Variants in NRXN3 observed in about 807,000 individuals in gnomAD.
NRXN3 encodes the protein neurexin 3.
A neutral mutation model predicts 137.6 loss-of-function variants in NRXN3; 32 were observed. The ratio of observed to expected loss-of-function variants is 0.23; its 90% CI spans 0.18 to 0.31. The LOEUF (loss-of-function observed/expected upper bound fraction) is 0.31. Ranked by LOEUF, NRXN3 falls within the 10% of genes least tolerant of loss-of-function variation. The pLI is 1.00. For synonymous variants in NRXN3, 798 were observed against 784.5 expected, an observed-to-expected ratio of 1.02 and a Z score of -0.29; for missense variants, 1,574 against 2,062.5, an observed-to-expected ratio of 0.76 and a Z score of 4.59.
At chr14:79,032,034 A>G (rs1012080589) in intron 15 of NRXN3, among the ~76,000 whole-genome samples, 1 of 152,180 alleles carries the variant, frequency 6.6e-6, no homozygotes, top group Non-Finnish European at 1.5e-5. Context: ...ACAGAGGTGT[A>G]GGAACTAAAC....
intron 16 of NRXN3, among the ~76,000 whole-genome samples, chr14:79,560,191 C>T (rs532682918): frequency 6.6e-6 from 1 of 152,178 alleles, no homozygotes; most frequent in African/African-American, 2.4e-5. Context: ...AATGCCTTTT[C>T]ATGTGAAAAT....
intron 10 of NRXN3, among the ~76,000 whole-genome samples, chr14:78,841,812 A>T (rs1391811204): frequency 1.3e-5 from 2 of 152,108 alleles, no homozygotes; most frequent in African/African-American, 4.8e-5. Flanking sequence ...CCTCTCACCA[A>T]GATTTTAACG....
At chr14:78,772,339 A>G (rs1292012698) in intron 8 of NRXN3, among the ~76,000 whole-genome samples, 1 of 152,156 alleles carries the variant, frequency 6.6e-6, no homozygotes, top group Non-Finnish European at 1.5e-5. Flanking sequence ...ATATTGACGC[A>G]CCATTGACCA....
chr14:79,544,771 C>T (rs1408576611), intron 16 of NRXN3, among the ~76,000 whole-genome samples: 1 of 152,122 alleles, frequency 6.6e-6, no homozygotes, highest in African/African-American at 2.4e-5. Context: ...ACCAGCATCA[C>T]CTGGCAACTT....
At chr14:79,280,585 C>T in intron 15 of NRXN3, 1 of 1,537,914 alleles carries the variant, frequency 6.5e-7, no homozygotes, top group Non-Finnish European at 8.9e-7. Flanking sequence ...TAGCAATTCG[C>T]TAACCCACTA....
chr14:79,359,550 A>G (rs112086254), intron 15 of NRXN3, among the ~76,000 whole-genome samples: 1 of 147,988 alleles, frequency 6.8e-6, no homozygotes, highest in African/African-American at 2.5e-5. Context: ...TTATCAGAGC[A>G]AACATCCGTA....
chr14:78,371,202 C>A (rs958641099), intron 4 of NRXN3, among the ~76,000 whole-genome samples: 5 of 152,144 alleles, frequency 3.3e-5, no homozygotes, highest in Non-Finnish European at 7.3e-5. Flanking sequence ...CCCCTATAAA[C>A]CCCAGACCTC....
intron 4 of NRXN3, among the ~76,000 whole-genome samples, chr14:78,307,164 G>A (rs547140167): frequency 1.1e-3 from 173 of 151,262 alleles, no homozygotes; most frequent in African/African-American, 4.1e-3. Flanking sequence ...ACAGTGCAAA[G>A]TGTATAAAAT....
At chr14:78,445,790 G>T (rs1196703888) in intron 4 of NRXN3, among the ~76,000 whole-genome samples, 8 of 152,224 alleles carry the variant, frequency 5.3e-5, no homozygotes, top group Non-Finnish European at 5.9e-5. Flanking sequence ...TTTGTAGTTT[G>T]GTCTCTTCTC....
Position 78,709,984 on chromosome 14 carries a change from C to T in NRXN3, c.1660+329C>T, listed in dbSNP as rs887828240. The T allele has an allele frequency of 6.6e-5, 18 of 273,070 alleles. No individual in the cohort carries two copies. In the Middle Eastern group the frequency reaches 3.7e-3, roughly 56 times the overall value. 16.9% of individuals were successfully genotyped at this position (273,070 alleles called of 1,614,324 possible). A position where few individuals can be genotyped will look rare whatever the true frequency, so the allele number is the denominator to read the frequency against. ...CTGGTGTGATCCGCCCCCATTGCCC[C>T]ATTCTTTGCTTCTCTTTTTCCTCAT... On this transcript the variant is annotated intron_variant, in intron 7 of 20. Coordinates refer to ENST00000335750, the MANE Select transcript of NRXN3 (RefSeq NM_001330195.2).
intron 15 of NRXN3, among the ~76,000 whole-genome samples, chr14:79,303,918 T>C (rs2085574833): frequency 6.6e-6 from 1 of 152,042 alleles, no homozygotes; most frequent in African/African-American, 2.4e-5. Context: ...AGTAAGAGAA[T>C]AGTAATGGTG....
At chr14:79,348,312 CAG>C (rs1290104571) in intron 15 of NRXN3, among the ~76,000 whole-genome samples, 1 of 151,576 alleles carries the variant, frequency 6.6e-6, no homozygotes. Flanking sequence ...GAGTAGGTAA[CAG>C]AGAGCTGAAA....
intron 4 of NRXN3, among the ~76,000 whole-genome samples, chr14:78,380,307 C>CAAA (rs34099445): frequency 0.031 from 3,043 of 99,296 alleles, 134 homozygotes; most frequent in Middle Eastern, 0.054. Context: ...GACTCCGTCT[C>CAAA]AAAAAAAAAA....
intron 6 of NRXN3, among the ~76,000 whole-genome samples, chr14:78,706,549 C>T (rs1490495153): frequency 1.3e-5 from 2 of 152,248 alleles, no homozygotes; most frequent in East Asian, 3.9e-4. Flanking sequence ...CCTGCTCTGC[C>T]ACTTATCAGC....
chr14:79,622,805 C>A (rs538755024), intron 16 of NRXN3, among the ~76,000 whole-genome samples: 4 of 152,220 alleles, frequency 2.6e-5, no homozygotes, highest in African/African-American at 7.2e-5. Flanking sequence ...ACCGTGTTAG[C>A]CAGGATGGTC....
chr14:78,600,160 C>T (rs554520854), intron 4 of NRXN3, among the ~76,000 whole-genome samples: 19 of 152,200 alleles, frequency 1.2e-4, no homozygotes, highest in Admixed American at 2.6e-4. Flanking sequence ...CTTGGGTATC[C>T]GACAGTGGAA....
At chr14:79,759,211 T>C (rs2139357454) in intron 19 of NRXN3, among the ~76,000 whole-genome samples, 1 of 148,114 alleles carries the variant, frequency 6.8e-6, no homozygotes, top group South Asian at 2.1e-4. Flanking sequence ...CTTCTTGTTA[T>C]AACTGGGTAG....
chr14:78,649,170 C>A, intron 5 of NRXN3: 1 of 766,884 alleles, frequency 1.3e-6, no homozygotes, highest in Non-Finnish European at 2.0e-6. Flanking sequence ...GACTAATGTA[C>A]TAACACCCTA....
At chr14:79,179,183 C>G (rs952567249) in intron 15 of NRXN3, among the ~76,000 whole-genome samples, 5 of 152,120 alleles carry the variant, frequency 3.3e-5, no homozygotes, top group Admixed American at 6.5e-5. Flanking sequence ...TACTTATTTT[C>G]AGAGATGTTT....
Sources: allele counts gnomAD v4.1 joint callset (sites outside exome capture counted in the v4.1 genomes callset), GRCh38; gene constraint gnomAD v4.1.1; transcripts MANE v1.5; gene names NCBI Gene and HGNC (gene_info 2026-07-23, HGNC 2026-07-21).